The following DNAH14 variants were observed in gnomAD, a reference collection of about 807,000 sequenced individuals.
The protein encoded by DNAH14 is dynein axonemal heavy chain 14, also known as axonemal beta dynein heavy chain 14.
A neutral mutation model predicts 520.9 loss-of-function variants in DNAH14; 478 were observed. The observed-to-expected ratio is 0.92, with a 90% CI of 0.85 to 0.99. The LOEUF (loss-of-function observed/expected upper bound fraction) is 0.99, where lower values mean the gene tolerates loss of function less well. DNAH14 is among the 50% of genes least tolerant of loss of function. The pLI is 0.00. For synonymous variants in DNAH14, 1,581 were observed against 1,757.2 expected (o/e 0.90, Z 2.51); for missense variants, 4,831 against 5,234.5 (o/e 0.92, Z 2.38).
intron 17 of DNAH14, among the ~76,000 whole-genome samples, chr1:225,069,679 T>G (rs1294505758): frequency 6.6e-6 from 1 of 152,146 alleles, no homozygotes; most frequent in Non-Finnish European, 1.5e-5. Context: ...CTTTTTTGGT[T>G]GTATCTCTGC....
chr1:225,007,748 A>G (rs2064295370), intron 10 of DNAH14, among the ~76,000 whole-genome samples: 1 of 151,858 alleles, frequency 6.6e-6, no homozygotes, highest in Admixed American at 6.6e-5. Context: ...ATATATATTT[A>G]TATATATGTG....
chr1:224,956,943 G>A (rs1047885397), intron 3 of DNAH14, among the ~76,000 whole-genome samples: 2 of 152,136 alleles, frequency 1.3e-5, no homozygotes, highest in Non-Finnish European at 2.9e-5. Context: ...GCTAGATAGG[G>A]ATACAAGTGT....
chr1:225,122,515 T>C (rs2077381367), intron 26 of DNAH14, among the ~76,000 whole-genome samples: 1 of 152,168 alleles, frequency 6.6e-6, no homozygotes, highest in African/African-American at 2.4e-5. Context: ...CAGTAAGATC[T>C]TCATTAAAAG....
chr1:225,087,364 T>C (rs1458941737), intron 21 of DNAH14, among the ~76,000 whole-genome samples: 1 of 152,194 alleles, frequency 6.6e-6, no homozygotes, highest in Non-Finnish European at 1.5e-5. Flanking sequence ...GCCCTCATGA[T>C]CTAATAACCT....
In DNAH14 at chr1:225,399,119, A is replaced by C; in HGVS notation, c.13704A>C (p.Pro4568=). Residue 4568 remains proline, a synonymous_variant, in exon 86 of 86, where the codon CCA becomes CCC. Transcript: ENST00000682510. ...CAGAACTCTATGCTTTTGAATGCCC[A>C]GTTTACCAGACACCTGAGAGGTCAA... ...TDSELYAFEC[P]VYQTPERSRI... 1 of 1,551,914 alleles carries C rather than the reference A, an allele frequency of 6.4e-7. No homozygotes were observed. Among genetic ancestry groups the C allele is most frequent in the Non-Finnish European group, 8.7e-7 (1 of 1,147,068 alleles).
chr1:225,039,610 C>G (rs1203414177), intron 12 of DNAH14, among the ~76,000 whole-genome samples: 1 of 150,976 alleles, frequency 6.6e-6, no homozygotes, highest in Non-Finnish European at 1.5e-5. Context: ...CTTTTCTTGC[C>G]AGAATTGTTT....
intron 10 of DNAH14, among the ~76,000 whole-genome samples, chr1:225,020,214 C>T (rs1022061633): frequency 6.6e-6 from 1 of 151,784 alleles, no homozygotes; most frequent in Non-Finnish European, 1.5e-5. Flanking sequence ...AAAAAAATCT[C>T]AGCCAGGCAA....
In DNAH14 at chr1:225,259,174, G is replaced by T. The variant is rs1271813339; in HGVS notation, c.7078G>T (p.Glu2360Ter). 6.5e-7 allele frequency: 1 copy of T among 1,545,964 alleles called. No individual in the cohort carries two copies. Among genetic ancestry groups the T allele is most frequent in the Admixed American group, 2.0e-5 (1 of 49,270 alleles). The change falls in exon 46 of 86, where the codon GAG becomes TAG. Residue 2360 changes from glutamate (E) to a stop codon, truncating the protein, a stop_gained. Coordinates refer to ENST00000682510, the MANE Select transcript of DNAH14 (RefSeq NM_001367479.1). LOFTEE classifies it high-confidence loss of function. ...CATTAATCAAATGCTTGAAAAGCTA[G>T]AGGGTCCAGGAGCATTTGACATAAA... ...AAINQMLEKLEGPGAFDIKHG... is the reference protein window; with the variant it reads ...AAINQMLEKL
At chr1:225,276,991 G>A (rs61849990) in intron 53 of DNAH14, among the ~76,000 whole-genome samples, 14,366 of 52,882 alleles carry the variant, frequency 0.27, 2,597 homozygotes, top group East Asian at 0.39. Context: ...GGAAGGGAGG[G>A]AGGAAGGAAG....
In DNAH14 at chr1:225,351,722, G is replaced by A; in HGVS notation, c.11372G>A (p.Ser3791Asn). 6.4e-7 allele frequency: 1 copy of A among 1,551,246 alleles called. No individual in the cohort carries two copies. Among genetic ancestry groups the A allele is most frequent in the South Asian group, 1.2e-5 (1 of 84,032 alleles). The change falls in exon 72 of 86, where the codon AGC becomes AAC. Residue 3791 changes from serine (S) to asparagine (N), a missense_variant. By Grantham distance (46) the Ser-to-Asn change is conservative. Coordinates refer to ENST00000682510, the MANE Select transcript of DNAH14 (RefSeq NM_001367479.1). ...AGGTGGAGGCAGTGCCAATATGTCA[G>A]CACTCACCTGGAACCATTTTCACTT... ...DSRWRQCQYV[S>N]THLEPFSLLC...
At chr1:225,214,336 C>T (rs550389929) in intron 41 of DNAH14, among the ~76,000 whole-genome samples, 118 of 152,188 alleles carry the variant, frequency 7.8e-4, no homozygotes, top group South Asian at 2.1e-3. Context: ...ATTTTTGCAT[C>T]GATGTTCATC....
At chr1:225,161,517 T>C (rs2081519279) in intron 35 of DNAH14, among the ~76,000 whole-genome samples, 1 of 152,172 alleles carries the variant, frequency 6.6e-6, no homozygotes, top group Admixed American at 6.6e-5. Context: ...TTCTTTGGGG[T>C]GTATACCCAG....
intron 38 of DNAH14, among the ~76,000 whole-genome samples, chr1:225,203,965 A>G (rs1403185533): frequency 6.6e-6 from 1 of 152,156 alleles, no homozygotes; most frequent in Non-Finnish European, 1.5e-5. Context: ...TTGCAGGGGG[A>G]AAAAAGAAAC....
chr1:225,213,981 G>T (rs2088867763), intron 41 of DNAH14, among the ~76,000 whole-genome samples: 1 of 152,116 alleles, frequency 6.6e-6, no homozygotes, highest in Non-Finnish European at 1.5e-5. Context: ...TCCCTGTCTT[G>T]TGCCAGTTTT....
intron 17 of DNAH14, among the ~76,000 whole-genome samples, chr1:225,073,782 T>C (rs1287209551): frequency 6.6e-6 from 1 of 151,896 alleles, no homozygotes; most frequent in African/African-American, 2.4e-5. Flanking sequence ...GCCTCCCAGA[T>C]TCAAGCAATT....
intron 11 of DNAH14, among the ~76,000 whole-genome samples, chr1:225,032,473 G>T (rs939324329): frequency 2.6e-5 from 4 of 152,014 alleles, no homozygotes; most frequent in African/African-American, 9.7e-5. Context: ...TCTTTATCCA[G>T]TCTGTCATTG....
At chr1:225,055,738 A>G (rs1314455290) in intron 17 of DNAH14, among the ~76,000 whole-genome samples, 2 of 126,876 alleles carry the variant, frequency 1.6e-5, no homozygotes, top group Admixed American at 9.8e-5. Context: ...TCCTGTTTCC[A>G]TGTGTTCTCG....
intron 21 of DNAH14, among the ~76,000 whole-genome samples, chr1:225,089,910 G>A (rs1375122122): frequency 6.6e-6 from 1 of 152,146 alleles, no homozygotes; most frequent in African/African-American, 2.4e-5. Context: ...GAATAAGGAT[G>A]TTCTCCCTTA....
chr1:225,016,472 AT>A (rs1450636393), intron 10 of DNAH14, among the ~76,000 whole-genome samples: 1 of 152,064 alleles, frequency 6.6e-6, no homozygotes, highest in African/African-American at 2.4e-5. Context: ...TACTTTTAAA[AT>A]TCTTTCTTTC....
Sources: gnomAD v4.1 joint callset for allele counts (sites outside exome capture counted in the v4.1 genomes callset) on GRCh38, gnomAD v4.1.1 for gene constraint, MANE v1.5 for transcripts, NCBI Gene and HGNC (gene_info 2026-07-23, HGNC 2026-07-21) for gene names.